DIAPH2: variants seen among roughly 807,000 people sequenced by gnomAD.
DIAPH2 encodes the protein diaphanous related formin 2.
DIAPH2 carries 35 observed loss-of-function variants against 92.7 expected under a neutral mutation model. The observed-to-expected ratio is 0.38, with a 90% CI of 0.29 to 0.50. DIAPH2 has a LOEUF of 0.50. Among genes scored for constraint, DIAPH2 ranks in the 20% least tolerant of loss-of-function variants. The pLI is 0.94. For missense variants in DIAPH2, 701 were observed against 819.5 expected (o/e 0.86, Z 1.77); for synonymous variants, 301 against 280.4 (o/e 1.07, Z -0.73).
intron 23 of DIAPH2, among the ~76,000 whole-genome samples, chrX:97,264,400 A>G (rs2068317146): frequency 5.4e-5 from 6 of 111,008 alleles, no homozygotes; most frequent in Admixed American, 4.8e-4. Context: ...GTGTACATAT[A>G]TGTCTCACAG....
chrX:97,080,348 C>T (rs1439811516), intron 19 of DIAPH2, among the ~76,000 whole-genome samples: 1 of 107,155 alleles, frequency 9.3e-6, no homozygotes. Flanking sequence ...CTTAATAATA[C>T]CTAAGGTGAA....
rs751784581 is a variant in DIAPH2 at position 96,707,961 on chromosome X, C to A, written c.132+22771C>A. Among the ~76,000 whole-genome samples, 3 of 111,261 alleles carry A rather than the reference C, an allele frequency of 2.7e-5. No homozygotes were observed. In the South Asian group the frequency reaches 1.1e-3, roughly 42 times the overall value. ...ATGTTATGAATGGAGGTTAGGTTCC[C>A]AGGGTAGCTCATCTTTTTCAAATCC... On this transcript the variant is annotated intron_variant, in intron 1 of 26. Transcript: ENST00000324765.
chrX:97,309,309 G>C (rs112571589), intron 23 of DIAPH2, among the ~76,000 whole-genome samples: 1,507 of 109,839 alleles, frequency 0.014, 22 homozygotes, highest in African/African-American at 0.047. Context: ...ATACTGGCCA[G>C]GCTGGTCTCT....
chrX:97,286,363 A>G (rs2068543222), intron 23 of DIAPH2, among the ~76,000 whole-genome samples: 1 of 111,165 alleles, frequency 9.0e-6, no homozygotes, highest in Non-Finnish European at 1.9e-5. Context: ...AACTATTAAT[A>G]GAATGCTACC....
intron 26 of DIAPH2, among the ~76,000 whole-genome samples, chrX:97,598,333 C>T (rs893309880): frequency 3.6e-5 from 4 of 111,904 alleles, no homozygotes; most frequent in Admixed American, 9.5e-5. Flanking sequence ...GCTTACCTCC[C>T]GGAGATGTTG....
At chrX:97,145,645 G>C (rs776562443) in intron 22 of DIAPH2, among the ~76,000 whole-genome samples, 107 of 110,178 alleles carry the variant, frequency 9.7e-4, no homozygotes, top group African/African-American at 3.2e-3. Context: ...GTATTCAAAA[G>C]ACTGTTGCCA....
At chrX:97,526,462 CAAAA>C (rs397896895) in intron 26 of DIAPH2, among the ~76,000 whole-genome samples, 1 of 58,855 alleles carries the variant, frequency 1.7e-5, no homozygotes, top group Non-Finnish European at 3.5e-5. Context: ...GAAGGAATGC[CAAAA>C]AAAAAAAAAA....
At chrX:97,145,937 C>G (rs1402749853) in intron 22 of DIAPH2, among the ~76,000 whole-genome samples, 8 of 107,233 alleles carry the variant, frequency 7.5e-5, no homozygotes, top group African/African-American at 2.7e-4. Flanking sequence ...TTTCACCTGC[C>G]CTGTACTCTA....
At chrX:96,882,907 C>A (rs2065223612) in intron 5 of DIAPH2, among the ~76,000 whole-genome samples, 1 of 93,041 alleles carries the variant, frequency 1.1e-5, no homozygotes, top group African/African-American at 4.3e-5. Flanking sequence ...TGCAGTGAGC[C>A]CATATCCCGC....
intron 26 of DIAPH2, among the ~76,000 whole-genome samples, chrX:97,480,881 G>A (rs987941626): frequency 2.7e-5 from 3 of 111,518 alleles, no homozygotes; most frequent in Non-Finnish European, 3.8e-5. Flanking sequence ...TCCTTTTTTC[G>A]TTAACCATTT....
chrX:97,326,092 G>A (rs1029501310), intron 23 of DIAPH2, among the ~76,000 whole-genome samples: 3 of 112,095 alleles, frequency 2.7e-5, no homozygotes, highest in South Asian at 3.7e-4. Flanking sequence ...AATATTTGTC[G>A]TATAGAAGTC....
chrX:97,481,525 T>C (rs187605861), intron 26 of DIAPH2, among the ~76,000 whole-genome samples: 17 of 111,501 alleles, frequency 1.5e-4, no homozygotes, highest in African/African-American at 5.5e-4. Flanking sequence ...GGATCTGCAC[T>C]AAACTAACCC....
rs113005018 is a variant in DIAPH2 at position 97,200,049 on chromosome X, G to C, written c.2720-47666G>C. 9.3e-3 allele frequency among the ~76,000 whole-genome samples: 1,021 copies of C among 110,351 alleles called. 13 individuals carry two copies. Among genetic ancestry groups the C allele is most frequent in the African/African-American group, 0.032 (960 of 30,278 alleles). ...GATTAGACAGTGGGTGCAACCCAAA[G>C]AGAGTGAGCACAAGCAGGATGGGGC... On this transcript the variant is annotated intron_variant, in intron 22 of 26. Coordinates refer to ENST00000324765, the MANE Select transcript of DIAPH2 (RefSeq NM_006729.5).
In DIAPH2 at chrX:97,256,150, C is replaced by T. The variant is rs1432052919; in HGVS notation, c.2844+8311C>T. ...AGTTTTAAAAGATGTAAAAACCTTT[C>T]TGTGGGATTTATTCATATTGAGTAG... On this transcript the variant is annotated intron_variant, in intron 23 of 26. Coordinates refer to ENST00000324765, the MANE Select transcript of DIAPH2 (RefSeq NM_006729.5). Among the ~76,000 whole-genome samples, 43 of 112,218 alleles carry T rather than the reference C, an allele frequency of 3.8e-4. 1 individual carries two copies. In the Admixed American group the frequency reaches 4.1e-3, roughly 11 times the overall value.
chrX:96,758,358 T>A (rs769624263), intron 4 of DIAPH2, 100 bp downstream of exon 4: 2 of 622,556 alleles, frequency 3.2e-6, no homozygotes, highest in Non-Finnish European at 4.9e-6. Flanking sequence ...ATTACCTCAT[T>A]GTACTCATAT....
chrX:97,326,210 A>G (rs941367195), intron 23 of DIAPH2, among the ~76,000 whole-genome samples: 18 of 112,354 alleles, frequency 1.6e-4, no homozygotes, highest in African/African-American at 5.8e-4. Context: ...AAAGCATGTC[A>G]TTGTATATAC....
At chrX:97,544,951 G>A (rs139938879) in intron 26 of DIAPH2, among the ~76,000 whole-genome samples, 204 of 110,832 alleles carry the variant, frequency 1.8e-3, no homozygotes, top group African/African-American at 5.9e-3. Context: ...TGGTGTACCC[G>A]GCAGCTGTGA....
At chrX:97,488,912 G>T (rs1826862621) in intron 26 of DIAPH2, among the ~76,000 whole-genome samples, 1 of 111,814 alleles carries the variant, frequency 8.9e-6, no homozygotes, top group African/African-American at 3.2e-5. Context: ...TCTTTCTCAA[G>T]ATTTCTTTGG....
intron 25 of DIAPH2, among the ~76,000 whole-genome samples, chrX:97,406,694 G>T (rs2069813555): frequency 9.0e-6 from 1 of 111,698 alleles, no homozygotes; most frequent in African/African-American, 3.2e-5. Context: ...GTGAAAAATG[G>T]TTCTTATCAT....
Sources: gnomAD v4.1 joint callset for allele counts (sites outside exome capture counted in the v4.1 genomes callset) on GRCh38, gnomAD v4.1.1 for gene constraint, MANE v1.5 for transcripts, NCBI Gene and HGNC (gene_info 2026-07-23, HGNC 2026-07-21) for gene names.